RUFY4: variants seen among roughly 807,000 people sequenced by gnomAD.
The protein encoded by RUFY4 is RUN and FYVE domain containing 4, also known as RUN and FYVE domain-containing protein 4.
Under a neutral mutation model 69.0 loss-of-function variants are expected in RUFY4, and 73 were observed. The ratio of observed to expected loss-of-function variants is 1.06; its 90% CI spans 0.88 to 1.29. The LOEUF (loss-of-function observed/expected upper bound fraction) is 1.29, where lower values mean the gene tolerates loss of function less well. Ranked by LOEUF, RUFY4 falls within the 50% of genes most tolerant of loss-of-function variation. The pLI, the probability that RUFY4 is intolerant of heterozygous loss-of-function variation, is 0.00. For missense variants in RUFY4, 770 were observed against 705.6 expected (o/e 1.09, Z -1.03); for synonymous variants, 287 against 271.8 (o/e 1.06, Z -0.55).
Position 218,060,610 on chromosome 2 carries a change from A to C in RUFY4, c.-1071+1929A>C, listed in dbSNP as rs778853361. The C allele has an allele frequency of 2.2e-6, 3 of 1,347,512 alleles. No individual in the cohort carries two copies. The South Asian group carries it at 3.5e-5, about 16-fold the overall frequency. 83.5% of individuals were successfully genotyped at this position (1,347,512 alleles called of 1,614,324 possible). ...GGTTCCCATGAGGGTGTCTGCCAGC[A>C]GGACCAGGTTGTAGGGCAGCCAGCA... On this transcript the variant is annotated intron_variant and NMD_transcript_variant, in intron 3 of 13. Coordinates refer to the RUFY4 transcript ENST00000457754.
At chr2:218,083,126 G>A in exon 9 of RUFY4, 1 of 1,613,304 alleles carries the variant, frequency 6.2e-7, no homozygotes, top group Non-Finnish European at 8.5e-7. Flanking sequence ...GGAAGAGAGA[G>A]CCGAGCTGCA....
intron 2 of RUFY4, among the ~76,000 whole-genome samples, chr2:218,048,252 G>A (rs1024293312): frequency 1.3e-5 from 2 of 152,110 alleles, no homozygotes; most frequent in Admixed American, 1.3e-4. Context: ...CTTTTGAAAA[G>A]TGTTCATGTC....
chr2:218,084,884 C>T (rs557972932), intron 9 of RUFY4, among the ~76,000 whole-genome samples: 48 of 152,180 alleles, frequency 3.2e-4, no homozygotes, highest in African/African-American at 1.1e-3. Flanking sequence ...TCTGCATCTA[C>T]TAAAAATACA....
intron 9 of RUFY4, among the ~76,000 whole-genome samples, chr2:218,085,905 T>G (rs907583944): frequency 4.6e-5 from 7 of 152,202 alleles, no homozygotes; most frequent in Admixed American, 3.9e-4. Flanking sequence ...AAACAGATTT[T>G]ATTGCCTCTT....
intron 10 of RUFY4, 189 bp from the exon 13 acceptor site, chr2:218,089,763 G>A (rs777976444): frequency 4.2e-6 from 3 of 706,142 alleles, no homozygotes; most frequent in Non-Finnish European, 7.8e-6. Context: ...GCTCTGGAGG[G>A]GTCGGGCATC....
chr2:218,040,718 T>C (rs948388005), intron 2 of RUFY4, among the ~76,000 whole-genome samples: 4 of 152,136 alleles, frequency 2.6e-5, no homozygotes, highest in South Asian at 4.1e-4. Flanking sequence ...ATTTTGTCTT[T>C]GGTGAAAATG....
rs771870870 is a variant in RUFY4 at position 218,073,334 on chromosome 2, G to A, written c.478G>A (p.Glu160Lys). 8.8e-6 allele frequency: 14 copies of A among 1,582,724 alleles called. No individual in the cohort carries two copies. Among genetic ancestry groups the A allele is most frequent in the South Asian group, 2.3e-5 (2 of 86,218 alleles). The stretch of plus-strand genomic sequence containing the variant: ...CTATGCTCTCAATGGGGTGGCCTTC[G>A]AGTTGGACCTCCAGCAGCCAGACCT... The change falls in exon 5 of 11, where the codon GAG becomes AAG. Residue 160 changes from glutamate to lysine, a missense_variant. Glu to Lys is a moderately conservative substitution (Grantham distance 56). Coordinates refer to ENST00000344321, the Ensembl canonical transcript of RUFY4.
chr2:218,085,747 A>C (rs1689878929), intron 9 of RUFY4, among the ~76,000 whole-genome samples: 1 of 152,202 alleles, frequency 6.6e-6, no homozygotes, highest in African/African-American at 2.4e-5. Flanking sequence ...TGATCAAAAG[A>C]TCCTTCACTA....
chr2:218,070,813 G>A, exon 2 of RUFY4: 1 of 1,537,278 alleles, frequency 6.5e-7, no homozygotes, highest in Non-Finnish European at 8.7e-7. Context: ...ACGGACACCA[G>A]TGCCGAGCTG....
chr2:218,089,963 G>A, exon 11 of RUFY4: 1 of 1,560,818 alleles, frequency 6.4e-7, no homozygotes, highest in Non-Finnish European at 8.7e-7. Flanking sequence ...CTCTGTGGAG[G>A]CCTGCTCTGC....
chr2:218,064,190 G>A (rs989268341), intron 3 of RUFY4, among the ~76,000 whole-genome samples: 3 of 152,180 alleles, frequency 2.0e-5, no homozygotes, highest in Non-Finnish European at 2.9e-5. Flanking sequence ...AGTATGGGAT[G>A]AGGGATGGGG....
intron 2 of RUFY4, among the ~76,000 whole-genome samples, chr2:218,071,315 C>T (rs1223880951): frequency 6.6e-6 from 1 of 152,164 alleles, no homozygotes; most frequent in Non-Finnish European, 1.5e-5. Flanking sequence ...CATCTTCCTG[C>T]TTCTCTGACT....
intron 9 of RUFY4, 45 bp downstream of exon 11, chr2:218,083,301 G>T (rs747465726): frequency 7.1e-6 from 11 of 1,540,676 alleles, no homozygotes; most frequent in Non-Finnish European, 7.9e-6. Flanking sequence ...TGGGGGAACG[G>T]TAAGGGATGT....
At chr2:218,085,596 A>C (rs938451646) in intron 9 of RUFY4, among the ~76,000 whole-genome samples, 1 of 152,232 alleles carries the variant, frequency 6.6e-6, no homozygotes, top group Non-Finnish European at 1.5e-5. Flanking sequence ...TTTTTGTAGG[A>C]TCCAGAGATC....
chr2:218,045,968 C>A (rs572073212), intron 2 of RUFY4, among the ~76,000 whole-genome samples: 72 of 152,216 alleles, frequency 4.7e-4, no homozygotes, highest in African/African-American at 1.6e-3. Flanking sequence ...TGGCGCCCGG[C>A]TAATTTTTTT....
At chr2:218,074,512 ACTATT>A (rs1386219190) in intron 6 of RUFY4, among the ~76,000 whole-genome samples, 1 of 152,112 alleles carries the variant, frequency 6.6e-6, no homozygotes, top group Non-Finnish European at 1.5e-5. Flanking sequence ...GGGTACAGAT[ACTATT>A]AGTTCTCTGG....
exon 4 of RUFY4, chr2:218,072,841 G>T (rs1240766659): frequency 7.8e-6 from 12 of 1,536,040 alleles, no homozygotes; most frequent in Non-Finnish European, 1.0e-5. Flanking sequence ...GTGGGCAGCT[G>T]GCTGAGGCCC....
At chr2:218,080,808 T>G (rs1025904457) in intron 8 of RUFY4, among the ~76,000 whole-genome samples, 1 of 148,316 alleles carries the variant, frequency 6.7e-6, no homozygotes, top group Non-Finnish European at 1.5e-5. Context: ...CAGGAATCAC[T>G]GGTGATCAGG....
chr2:218,077,479 C>T (rs1689661390), intron 8 of RUFY4, among the ~76,000 whole-genome samples: 1 of 152,196 alleles, frequency 6.6e-6, no homozygotes, highest in African/African-American at 2.4e-5. Context: ...GCTAGGGTTG[C>T]AGGCATGAGC....
Sources: allele counts gnomAD v4.1 joint callset (sites outside exome capture counted in the v4.1 genomes callset), GRCh38; gene constraint gnomAD v4.1.1; transcripts MANE v1.5; gene names NCBI Gene and HGNC (gene_info 2026-07-23, HGNC 2026-07-21).